INA: variants seen among roughly 807,000 people sequenced by gnomAD.
The protein encoded by INA is alpha-internexin.
A neutral mutation model predicts 40.1 loss-of-function variants in INA; 35 were observed. The ratio of observed to expected loss-of-function variants is 0.87; its 90% CI spans 0.67 to 1.16. The LOEUF (loss-of-function observed/expected upper bound fraction) is 1.16. Ranked by LOEUF, INA falls within the 50% of genes most tolerant of loss-of-function variation. The pLI is 0.00. For synonymous variants in INA, 290 were observed against 316.9 expected (o/e 0.92, Z 0.90); for missense variants, 594 against 686.7 (o/e 0.87, Z 1.51).
At chr10:103,283,110 G>T (rs1241434635) in intron 1 of INA, among the ~76,000 whole-genome samples, 1 of 152,148 alleles carries the variant, frequency 6.6e-6, no homozygotes, top group Non-Finnish European at 1.5e-5. Context: ...TAGAAGATTG[G>T]AAGGAACTAA....
intron 1 of INA, among the ~76,000 whole-genome samples, chr10:103,281,630 C>G (rs1385175303): frequency 6.6e-6 from 1 of 152,170 alleles, no homozygotes; most frequent in Non-Finnish European, 1.5e-5. Context: ...AAAAATCCTC[C>G]GTCCCCACTC....
In INA at chr10:103,277,615, A is replaced by G. The variant is rs1158892646; in HGVS notation, c.404A>G (p.Glu135Gly). 6.6e-7 allele frequency: 1 copy of G among 1,506,232 alleles called. No homozygotes were observed. The highest frequency in any genetic ancestry group is 1.2e-5 in the South Asian group (1 of 81,976). The allele number at this position is 1,506,232 out of a possible 1,614,324, so 93.3% of individuals were successfully genotyped here. A position where few individuals can be genotyped will look rare whatever the true frequency, so the allele number is the denominator to read the frequency against. ...GCCGCGCTGCGACAGCGCCACGCTG[A>G]GCCGTCGCGCGTCGGCGAGCTCTTC... is the stretch of plus-strand genomic sequence containing the variant. Reference protein sequence around the residue: ...ELAALRQRHAEPSRVGELFQR... With the variant: ...ELAALRQRHAGPSRVGELFQR... Residue 135 changes from glutamate (E) to glycine (G), a missense_variant, in exon 1 of 3, where the codon GAG becomes GGG. Glu to Gly is a moderately conservative substitution (Grantham distance 98, BLOSUM62 -2). Transcript: ENST00000369849. This position sits in a 1 kb window ranked among gnomAD's most constrained non-coding sequence, Gnocchi z 5.6.
intron 1 of INA, among the ~76,000 whole-genome samples, chr10:103,279,715 C>A (rs2093068735): frequency 2.0e-5 from 3 of 152,134 alleles, no homozygotes; most frequent in African/African-American, 7.2e-5. Context: ...CTAAAGAATT[C>A]TTATTGATGT....
chr10:103,279,917 T>C lies in INA; in HGVS notation c.1065+1641T>C, dbSNP rs187536068. The C allele has an allele frequency of 1.8e-4, 229 of 1,288,890 alleles. 2 individuals are homozygous for C. The African/African-American group carries it at 3.2e-3, about 18-fold the overall frequency. 79.8% of individuals were successfully genotyped at this position (1,288,890 alleles called of 1,614,324 possible). A position where few individuals can be genotyped will look rare whatever the true frequency, so the allele number is the denominator to read the frequency against. ...GCCTGAATTAATCACATTTGGCTAATTGAGACTTCATTTTTTTCTTCTAGA... is the reference window on the plus strand; with the variant it reads ...GCCTGAATTAATCACATTTGGCTAACTGAGACTTCATTTTTTTCTTCTAGA... On this transcript the variant is annotated intron_variant, in intron 1 of 2. Coordinates refer to ENST00000369849, the MANE Select transcript of INA (RefSeq NM_032727.4).
Position 103,287,732 on chromosome 10 carries a change from A to T in INA, c.1190+573A>T, listed in dbSNP as rs1428436838. Among the ~76,000 whole-genome samples, 5 of 125,756 alleles carry T rather than the reference A, an allele frequency of 4.0e-5. No homozygotes were observed. The Admixed American group carries it at 4.0e-4, about 10-fold the overall frequency. 82.5% of individuals were successfully genotyped at this position (125,756 alleles called of 152,430 possible). A position where few individuals can be genotyped will look rare whatever the true frequency, so the allele number is the denominator to read the frequency against. On this transcript the variant is annotated intron_variant, in intron 2 of 2. Coordinates refer to ENST00000369849, the MANE Select transcript of INA (RefSeq NM_032727.4). ...CCTGGGAGACAGTGAGACTCTGTCTAAAAAAAAAAAAAAAAAAAAAGGATA... is the reference window on the plus strand; with the variant it reads ...CCTGGGAGACAGTGAGACTCTGTCTTAAAAAAAAAAAAAAAAAAAAGGATA...
chr10:103,288,643 A>G lies in INA; in HGVS notation c.1474A>G (p.Thr492Ala). Residue 492 changes from threonine (T) to alanine (A), a missense_variant, in exon 3 of 3, where the codon ACC becomes GCC. Thr to Ala is a moderately conservative substitution (Grantham distance 58, BLOSUM62 0). Transcript: ENST00000369849. ...KKTEKSNIEE[T>A]TISSQKI ...AACCGAGAAATCAAATATAGAAGAA[A>G]CCACCATTTCAAGCCAAAAAATATA... The G allele has an allele frequency of 6.3e-7, 1 of 1,581,190 alleles. No individual in the cohort carries two copies. The highest frequency in any genetic ancestry group is 2.2e-5 in the East Asian group (1 of 44,676).
In INA at chr10:103,288,854, T is replaced by TG; in HGVS notation, c.*186dup. 1 of 498,068 alleles carries TG rather than the reference T, an allele frequency of 2.0e-6. No individual in the cohort carries two copies. The allele number at this position is 498,068 out of a possible 1,614,324, so 30.9% of individuals were successfully genotyped here. A position where few individuals can be genotyped will look rare whatever the true frequency, so the allele number is the denominator to read the frequency against. ...AACCACCCCTTAGATTGAAGTAAAC[T>TG]GCAGTCCTGGAGCAATCACAGATGA... On this transcript the variant is annotated 3_prime_UTR_variant, in exon 3 of 3. Coordinates refer to ENST00000369849, the MANE Select transcript of INA (RefSeq NM_032727.4).
At chr10:103,285,696 C>T (rs2093084195) in intron 1 of INA, among the ~76,000 whole-genome samples, 1 of 149,858 alleles carries the variant, frequency 6.7e-6, no homozygotes, top group Non-Finnish European at 1.5e-5. Flanking sequence ...CGTCTCACTG[C>T]AACCTCCCCC....
In INA at chr10:103,278,107, C is replaced by CG. The variant is rs746520322; in HGVS notation, c.897dup (p.Arg300AlafsTer58). On this transcript the variant is annotated frameshift_variant, in exon 1 of 3. Coordinates refer to ENST00000369849, the MANE Select transcript of INA (RefSeq NM_032727.4). LOFTEE classifies it high-confidence loss of function. This position sits in a 1 kb window ranked among gnomAD's most constrained non-coding sequence, Gnocchi z 4.9. ...TTTGCCAACCTGAACGAGCAGGCGG[C>CG]GCGCAGCACCGAGGCCATCCGGGCC... 10 of 1,613,118 alleles carry CG rather than the reference C, an allele frequency of 6.2e-6. No homozygotes were observed. Among genetic ancestry groups the CG allele is most frequent in the Non-Finnish European group, 8.5e-6 (10 of 1,179,898 alleles).
Position 103,288,954 on chromosome 10 carries a change from A to G in INA, c.*285A>G, listed in dbSNP as rs2093093343. On this transcript the variant is annotated 3_prime_UTR_variant, in exon 3 of 3. Transcript: ENST00000369849. ...TCGATGATTCAGGTGCAGAGGAAGT[A>G]CAAACTAAGGTGCTAAATCTGCGAT... is the stretch of plus-strand genomic sequence containing the variant. The G allele has an allele frequency of 4.5e-6, 1 of 223,508 alleles. No homozygotes were observed. The highest frequency in any genetic ancestry group is 8.7e-6 in the Non-Finnish European group (1 of 114,416). 13.8% of individuals were successfully genotyped at this position (223,508 alleles called of 1,614,324 possible).
Position 103,288,984 on chromosome 10 carries a change from G to A in INA, c.*315G>A, listed in dbSNP as rs146864316. 6 of 182,090 alleles carry A rather than the reference G, an allele frequency of 3.3e-5. No homozygotes were observed. The highest frequency in any genetic ancestry group is 9.5e-5 in the African/African-American group (4 of 42,318). The allele number at this position is 182,090 out of a possible 1,614,324, so 11.3% of individuals were successfully genotyped here. On this transcript the variant is annotated 3_prime_UTR_variant, in exon 3 of 3. Transcript: ENST00000369849. ...CTAAGGTGCTAAATCTGCGATCATC[G>A]TCATTTGCTGTGAACTGAAATTAAA... is the stretch of plus-strand genomic sequence containing the variant.
intron 1 of INA, among the ~76,000 whole-genome samples, chr10:103,283,026 TA>T (rs2093076067): frequency 6.6e-6 from 1 of 152,236 alleles, no homozygotes; most frequent in Non-Finnish European, 1.5e-5. Flanking sequence ...TGAGATATAT[TA>T]AATTGAAATC....
In INA at chr10:103,288,837, C is replaced by G. The variant is rs2093092986; in HGVS notation, c.*168C>G. The G allele has an allele frequency of 3.8e-6, 2 of 529,626 alleles. No individual in the cohort carries two copies. Among genetic ancestry groups the G allele is most frequent in the East Asian group, 6.6e-5 (2 of 30,282 alleles). 32.8% of individuals were successfully genotyped at this position (529,626 alleles called of 1,614,324 possible). On this transcript the variant is annotated 3_prime_UTR_variant, in exon 3 of 3. Coordinates refer to ENST00000369849, the MANE Select transcript of INA (RefSeq NM_032727.4). ...ACATTCTCTAATAAGAAAACCACCC[C>G]TTAGATTGAAGTAAACTGCAGTCCT...
In INA at chr10:103,277,805, G is replaced by T. The variant is rs1236392595; in HGVS notation, c.594G>T (p.Ala198=). Residue 198 remains alanine, a synonymous_variant, in exon 1 of 3, where the codon GCG becomes GCT. Transcript: ENST00000369849. This position sits in a 1 kb window ranked among gnomAD's most constrained non-coding sequence, Gnocchi z 5.6. ...GREGAERALK[A]QQRDVDGATL... ...AAGGCGCCGAGCGCGCCCTGAAGGC[G>T]CAGCAGCGCGACGTGGACGGCGCCA... 1 of 1,533,530 alleles carries T rather than the reference G, an allele frequency of 6.5e-7. No individual in the cohort carries two copies. The highest frequency in any genetic ancestry group is 8.7e-7 in the Non-Finnish European group (1 of 1,144,228). The allele number at this position is 1,533,530 out of a possible 1,614,324, so 95.0% of individuals were successfully genotyped here.
chr10:103,279,334 C>A (rs937169353), intron 1 of INA, among the ~76,000 whole-genome samples: 1 of 151,936 alleles, frequency 6.6e-6, no homozygotes, highest in Non-Finnish European at 1.5e-5. Flanking sequence ...TTTCTTTGTT[C>A]TAGTGTATGT....
chr10:103,278,063 A>C lies in INA; in HGVS notation c.852A>C (p.Glu284Asp). Residue 284 changes from glutamate to aspartate, a missense_variant, in exon 1 of 3, where the codon GAA becomes GAC. Around this residue, in one of 2 missense-constraint regions of INA, gnomAD observed 379 missense variants for 496.1 expected, o/e 0.76. Transcript: ENST00000369849. The surrounding 1 kb of genome is among the most constrained non-coding windows in gnomAD (Gnocchi z 4.9). ...CCGCTAAGAACCTGCAGTCCGCGGA[A>C]GAATGGTACAAGTCCAAGTTTGCCA... ...SLAAKNLQSA[E>D]EWYKSKFANL... 2 of 1,613,640 alleles carry C rather than the reference A, an allele frequency of 1.2e-6. No individual in the cohort carries two copies. The highest frequency in any genetic ancestry group is 3.3e-5 in the Admixed American group (2 of 59,988).
rs1396095090 is a variant in INA at position 103,289,571 on chromosome 10, A to G, written c.*902A>G. 1 of 152,648 alleles carries G rather than the reference A, an allele frequency of 6.6e-6. No individual in the cohort carries two copies. The highest frequency in any genetic ancestry group is 2.4e-5 in the African/African-American group (1 of 41,442). 9.5% of individuals were successfully genotyped at this position (152,648 alleles called of 1,614,324 possible). On this transcript the variant is annotated 3_prime_UTR_variant, in exon 3 of 3. Transcript: ENST00000369849. ...CCCAAACTGTGATGAAGCCGACCTT[A>G]GATTTAGTAGTGTAAGCTAGAAGAA...
chr10:103,277,574 G>T lies in INA; in HGVS notation c.363G>T (p.Ala121=). The stretch of plus-strand genomic sequence containing the variant: ...ATCAGCTGGAGACGCAGAACCGCGC[G>T]TTGGAGGCCGAGCTGGCCGCGCTGC... ...KVHQLETQNR[A]LEAELAALRQ... is the part of the protein sequence containing the mutation. The change falls in exon 1 of 3, where the codon GCG becomes GCT. Residue 121 remains alanine, a synonymous_variant. Coordinates refer to ENST00000369849, the MANE Select transcript of INA (RefSeq NM_032727.4). This position sits in a 1 kb window ranked among gnomAD's most constrained non-coding sequence, Gnocchi z 5.6. 6.4e-7 allele frequency: 1 copy of T among 1,569,212 alleles called. No individual in the cohort carries two copies. The highest frequency in any genetic ancestry group is 1.1e-5 in the South Asian group (1 of 87,124).
Position 103,288,408 on chromosome 10 carries a change from C to T in INA, c.1239C>T (p.Ser413=). Residue 413 remains serine (S), a synonymous_variant, in exon 3 of 3, where the codon AGC becomes AGT. Transcript: ENST00000369849. The part of the protein sequence containing the change: ...EETRFSTSGL[S]ISGLNPLPNP... ...CACGTTTTAGCACCAGTGGGTTAAG[C>T]ATTTCGGGGCTGAATCCACTTCCCA... 1 of 1,612,200 alleles carries T rather than the reference C, an allele frequency of 6.2e-7. No individual in the cohort carries two copies. The highest frequency in any genetic ancestry group is 1.1e-5 in the South Asian group (1 of 91,018).
Sources: gnomAD v4.1 joint callset for allele counts (sites outside exome capture counted in the v4.1 genomes callset) on GRCh38, gnomAD v4.1.1 for gene constraint, gnomAD v4.1.1 regional missense constraint, Gnocchi (gnomAD v3.1) non-coding constraint, MANE v1.5 for transcripts, NCBI Gene and HGNC (gene_info 2026-07-23, HGNC 2026-07-21) for gene names.